GALNT13: variants seen among roughly 807,000 people sequenced by gnomAD.
GALNT13 encodes the protein polypeptide N-acetylgalactosaminyltransferase 13.
GALNT13 carries 28 observed loss-of-function variants against 64.2 expected under a neutral mutation model. The ratio of observed to expected loss-of-function variants is 0.44; its 90% CI spans 0.32 to 0.60. The LOEUF (loss-of-function observed/expected upper bound fraction) is 0.60, where lower values mean the gene tolerates loss of function less well. Among genes scored for constraint, GALNT13 ranks in the 20% least tolerant of loss-of-function variants. The pLI is 0.05. For synonymous variants in GALNT13, 214 were observed against 224.6 expected (o/e 0.95, Z 0.42); for missense variants, 577 against 669.8 (o/e 0.86, Z 1.53).
chr2:153,433,126 G>A, the GALNT13 span, among the ~76,000 whole-genome samples: 16 of 152,042 alleles, frequency 1.1e-4, no homozygotes, highest in African/African-American at 3.9e-4. Flanking sequence ...GAAATTTTGT[G>A]TGAGAGTAAA....
the GALNT13 span, among the ~76,000 whole-genome samples, chr2:153,566,349 T>TTTTGTTTTG: frequency 3.1e-3 from 47 of 15,196 alleles, 5 homozygotes; most frequent in Non-Finnish European, 9.4e-3. Context: ...TCTAATCACG[T>TTTTGTTTTG]TTTTTTTTTT....
chr2:154,234,167 G>T (rs1448180998), intron 4 of GALNT13, among the ~76,000 whole-genome samples: 1 of 152,184 alleles, frequency 6.6e-6, no homozygotes, highest in Non-Finnish European at 1.5e-5. Flanking sequence ...TTTGACCACA[G>T]AAATTAAAGA....
intron 3 of GALNT13, among the ~76,000 whole-genome samples, chr2:154,070,351 A>G (rs528634269): frequency 7.9e-5 from 12 of 152,294 alleles, no homozygotes; most frequent in African/African-American, 2.2e-4. Flanking sequence ...CAGTATCAAC[A>G]TATCATACTG....
At chr2:153,505,401 A>G in the GALNT13 span, among the ~76,000 whole-genome samples, 2 of 151,688 alleles carry the variant, frequency 1.3e-5, no homozygotes, top group Admixed American at 1.3e-4. Context: ...CTTTGTCATT[A>G]CTTTTCTTCT....
the GALNT13 span, among the ~76,000 whole-genome samples, chr2:153,767,684 C>T: frequency 6.6e-6 from 1 of 151,970 alleles, no homozygotes; most frequent in Non-Finnish European, 1.5e-5. Context: ...ACTTAATTTG[C>T]ATTTATCTGA....
the GALNT13 span, among the ~76,000 whole-genome samples, chr2:153,403,240 GGGGGTCA>G: frequency 1.1e-4 from 17 of 150,730 alleles, no homozygotes; most frequent in South Asian, 3.1e-3. Flanking sequence ...TAGGCTGCTC[GGGGGTCA>G]GGGGTCAGGG....
the GALNT13 span, among the ~76,000 whole-genome samples, chr2:153,716,839 T>C: frequency 1.4e-4 from 22 of 152,280 alleles, no homozygotes; most frequent in East Asian, 2.9e-3. Flanking sequence ...TTTTGGTTTC[T>C]AAAGCAAACC....
the GALNT13 span, among the ~76,000 whole-genome samples, chr2:153,506,673 C>A: frequency 6.6e-6 from 1 of 152,200 alleles, no homozygotes; most frequent in African/African-American, 2.4e-5. Flanking sequence ...GGACCCCAAT[C>A]CCTTCTAGCT....
At chr2:153,301,105 AG>A in the GALNT13 span, among the ~76,000 whole-genome samples, 1 of 151,944 alleles carries the variant, frequency 6.6e-6, no homozygotes, top group East Asian at 1.9e-4. Flanking sequence ...CTGAGGTGGA[AG>A]GATCACCTGA....
At chr2:153,998,249 C>T (rs1262131803) in intron 3 of GALNT13, among the ~76,000 whole-genome samples, 3 of 152,088 alleles carry the variant, frequency 2.0e-5, no homozygotes, top group African/African-American at 7.2e-5. Flanking sequence ...AAGTAATTTA[C>T]AGTCCCACCA....
At chr2:154,292,708 A>G (rs1692712568) in intron 8 of GALNT13, among the ~76,000 whole-genome samples, 1 of 152,202 alleles carries the variant, frequency 6.6e-6, no homozygotes, top group African/African-American at 2.4e-5. Flanking sequence ...ACTATATTAA[A>G]GGATGACTTC....
chr2:154,002,249 A>T (rs912623342), intron 3 of GALNT13, among the ~76,000 whole-genome samples: 12 of 152,092 alleles, frequency 7.9e-5, no homozygotes, highest in African/African-American at 2.7e-4. Context: ...ATTGTCTTAA[A>T]TAATCTTTCT....
the GALNT13 span, among the ~76,000 whole-genome samples, chr2:153,771,655 A>G: frequency 1.2e-4 from 18 of 152,266 alleles, no homozygotes; most frequent in African/African-American, 4.1e-4. Flanking sequence ...TTTGTAGGAA[A>G]AAGGAGGGGC....
At chr2:154,278,908 T>G (rs1004783511) in intron 8 of GALNT13, among the ~76,000 whole-genome samples, 9 of 152,154 alleles carry the variant, frequency 5.9e-5, no homozygotes, top group Admixed American at 4.6e-4. Flanking sequence ...GTATTTTCTA[T>G]CATTTCATTT....
the GALNT13 span, among the ~76,000 whole-genome samples, chr2:153,108,261 A>T: frequency 6.6e-6 from 1 of 152,214 alleles, no homozygotes; most frequent in South Asian, 2.1e-4. Context: ...TAACAAATAA[A>T]TTTAAAAAGA....
chr2:154,290,381 T>G (rs1268231293), intron 8 of GALNT13, among the ~76,000 whole-genome samples: 1 of 152,196 alleles, frequency 6.6e-6, no homozygotes, highest in East Asian at 1.9e-4. Context: ...GCATGCCCAC[T>G]CTCCTGTTAA....
At chr2:153,952,890 G>A (rs767429880) in intron 3 of GALNT13, among the ~76,000 whole-genome samples, 1 of 152,158 alleles carries the variant, frequency 6.6e-6, no homozygotes, top group Non-Finnish European at 1.5e-5. Flanking sequence ...GGAGTTCAAT[G>A]TTCGAGGGCA....
intron 2 of GALNT13, among the ~76,000 whole-genome samples, chr2:153,909,165 G>A (rs1688779182): frequency 6.6e-6 from 1 of 151,918 alleles, no homozygotes; most frequent in Non-Finnish European, 1.5e-5. Flanking sequence ...GTTGTGAATG[G>A]GATTGCTTTC....
intron 3 of GALNT13, among the ~76,000 whole-genome samples, chr2:153,982,441 G>T (rs76904956): frequency 6.6e-6 from 1 of 152,190 alleles, no homozygotes; most frequent in African/African-American, 2.4e-5. Context: ...GAATCTGTGA[G>T]TAAGTTGCTG....
Sources: allele counts gnomAD v4.1 joint callset (sites outside exome capture counted in the v4.1 genomes callset), GRCh38; gene constraint gnomAD v4.1.1; transcripts MANE v1.5; gene names NCBI Gene and HGNC (gene_info 2026-07-23, HGNC 2026-07-21).